The following ACOXL variants were observed in gnomAD, a reference collection of about 807,000 sequenced individuals.
ACOXL encodes the protein acyl-CoA oxidase like.
Under a neutral mutation model 71.9 loss-of-function variants are expected in ACOXL, and 70 were observed. The observed-to-expected ratio is 0.97, with a 90% CI of 0.80 to 1.19. The LOEUF (loss-of-function observed/expected upper bound fraction) is 1.19. Ranked by LOEUF, ACOXL falls within the 50% of genes most tolerant of loss-of-function variation. The pLI, the probability that ACOXL is intolerant of heterozygous loss-of-function variation, is 0.00. For synonymous variants in ACOXL, 253 were observed against 281.6 expected (o/e 0.90, Z 1.02); for missense variants, 703 against 736.3 (o/e 0.95, Z 0.52).
intron 16 of ACOXL, among the ~76,000 whole-genome samples, chr2:111,064,206 G>A (rs1418289063): frequency 6.6e-6 from 1 of 152,152 alleles, no homozygotes; most frequent in Non-Finnish European, 1.5e-5. Flanking sequence ...GGAGGCCAAG[G>A]TGGGTGGATC....
intron 12 of ACOXL, among the ~76,000 whole-genome samples, chr2:110,939,059 A>C (rs958300849): frequency 5.9e-5 from 9 of 152,222 alleles, no homozygotes; most frequent in Non-Finnish European, 1.3e-4. Context: ...ATGAGAAATT[A>C]TTGTAAAATT....
At position 111,020,496 on chromosome 2, in the gene ACOXL, G is replaced by C. The variant is rs538325342; in HGVS notation, c.1282-11131G>C. 1.4e-4 allele frequency among the ~76,000 whole-genome samples: 21 copies of C among 152,318 alleles called. No individual in the cohort carries two copies. The South Asian group carries it at 4.1e-3, about 30-fold the overall frequency. On this transcript the variant is annotated intron_variant, in intron 14 of 17. Transcript: ENST00000439055. ...GTGGTGGAGGGTATTCTGGTGGAGA[G>C]AATTGCATGTACAAATATCTGAAGC...
intron 16 of ACOXL, among the ~76,000 whole-genome samples, chr2:111,051,717 G>C (rs907079939): frequency 5.3e-5 from 8 of 152,116 alleles, no homozygotes; most frequent in Non-Finnish European, 1.5e-5. Context: ...TGATCCACCC[G>C]CCTCGGCCTC....
intron 15 of ACOXL, among the ~76,000 whole-genome samples, chr2:111,032,465 AAGT>A (rs1221638959): frequency 6.6e-6 from 1 of 152,232 alleles, no homozygotes; most frequent in East Asian, 1.9e-4. Context: ...ACTGAACACC[AAGT>A]AAGATCCATG....
At chr2:110,746,728 C>A (rs866943524) in intron 1 of ACOXL, among the ~76,000 whole-genome samples, 30 of 152,120 alleles carry the variant, frequency 2.0e-4, no homozygotes, top group South Asian at 8.3e-4. Flanking sequence ...TGACTTAGGT[C>A]AGCGAACTAC....
intron 10 of ACOXL, among the ~76,000 whole-genome samples, chr2:110,878,473 G>A (rs935720138): frequency 2.6e-5 from 4 of 152,212 alleles, no homozygotes; most frequent in African/African-American, 7.2e-5. Context: ...CAAGAAATAG[G>A]AAATGCAGGC....
intron 2 of ACOXL, among the ~76,000 whole-genome samples, chr2:110,771,126 C>A (rs73956439): frequency 0.014 from 2,135 of 152,254 alleles, 59 homozygotes; most frequent in African/African-American, 0.046. Context: ...TTTGGCACCT[C>A]TCTCTGTATG....
chr2:110,886,522 A>G (rs1697317048), intron 10 of ACOXL, among the ~76,000 whole-genome samples: 1 of 151,740 alleles, frequency 6.6e-6, no homozygotes, highest in Admixed American at 6.6e-5. Context: ...AATTACTGGC[A>G]TGCACCACCA....
chr2:110,984,326 G>A (rs1426223142), intron 12 of ACOXL, among the ~76,000 whole-genome samples: 1 of 151,986 alleles, frequency 6.6e-6, no homozygotes, highest in Non-Finnish European at 1.5e-5. Flanking sequence ...CCTCTATGAG[G>A]TAAAACAAGC....
At chr2:110,793,516 C>A in intron 3 of ACOXL, 134 bp from the exon 4 acceptor site, 1 of 759,024 alleles carries the variant, frequency 1.3e-6, no homozygotes, top group Non-Finnish European at 2.3e-6. Context: ...GGCAAAGAAG[C>A]ATGCCACTTG....
chr2:110,844,376 C>G (rs912722071), intron 10 of ACOXL, among the ~76,000 whole-genome samples: 1 of 152,126 alleles, frequency 6.6e-6, no homozygotes, highest in Non-Finnish European at 1.5e-5. Context: ...TGGGGACAAA[C>G]CTACCTTCTG....
At chr2:110,902,431 C>T (rs2059278175) in intron 10 of ACOXL, among the ~76,000 whole-genome samples, 1 of 152,210 alleles carries the variant, frequency 6.6e-6, no homozygotes, top group African/African-American at 2.4e-5. Context: ...GATTGTACCA[C>T]TATACTCCAG....
chr2:111,048,276 A>G (rs62163300), intron 15 of ACOXL, among the ~76,000 whole-genome samples: 46,388 of 152,150 alleles, frequency 0.3, 7,234 homozygotes, highest in Middle Eastern at 0.33. Context: ...CTACTCAAAG[A>G]CAAGAGGCAG....
chr2:110,874,781 C>G (rs989346283), intron 10 of ACOXL, among the ~76,000 whole-genome samples: 2 of 152,100 alleles, frequency 1.3e-5, no homozygotes, highest in Admixed American at 6.5e-5. Flanking sequence ...GTTTATTATT[C>G]GCATCATTTT....
At chr2:110,997,088 CA>C (rs2063430156) in intron 14 of ACOXL, among the ~76,000 whole-genome samples, 1 of 152,064 alleles carries the variant, frequency 6.6e-6, no homozygotes, top group South Asian at 2.1e-4. Context: ...TGGATATATC[CA>C]AAAGGAAAAA....
intron 10 of ACOXL, among the ~76,000 whole-genome samples, chr2:110,874,793 T>G (rs1333017059): frequency 1.3e-5 from 2 of 152,200 alleles, no homozygotes; most frequent in Non-Finnish European, 2.9e-5. Context: ...CATCATTTTC[T>G]GAATTTCAGG....
chr2:110,839,317 G>A (rs1690850805), intron 9 of ACOXL, among the ~76,000 whole-genome samples: 1 of 152,236 alleles, frequency 6.6e-6, no homozygotes, highest in Non-Finnish European at 1.5e-5. Flanking sequence ...CCCAGGAAAT[G>A]TAAAGTTATC....
At chr2:110,883,963 T>C (rs557224619) in intron 10 of ACOXL, among the ~76,000 whole-genome samples, 117 of 152,308 alleles carry the variant, frequency 7.7e-4, no homozygotes, top group Non-Finnish European at 1.4e-3. Flanking sequence ...ATTCATGTGA[T>C]GGAGTACAAC....
intron 17 of ACOXL, among the ~76,000 whole-genome samples, chr2:111,106,858 G>A (rs1468180528): frequency 6.6e-6 from 1 of 152,154 alleles, no homozygotes; most frequent in Non-Finnish European, 1.5e-5. Context: ...TCTCACTGAT[G>A]GGGAGGGCAG....
Sources: allele counts gnomAD v4.1 joint callset (sites outside exome capture counted in the v4.1 genomes callset), GRCh38; gene constraint gnomAD v4.1.1; transcripts MANE v1.5; gene names NCBI Gene and HGNC (gene_info 2026-07-23, HGNC 2026-07-21).